Variants in ELP4 observed in about 807,000 individuals in gnomAD.
ELP4 encodes the protein elongator acetyltransferase complex subunit 4.
In ELP4, 51 loss-of-function variants were observed where a neutral mutation model predicts 48.9. The ratio of observed to expected loss-of-function variants is 1.04; its 90% CI spans 0.83 to 1.32. The LOEUF (loss-of-function observed/expected upper bound fraction) is 1.32, where lower values mean the gene tolerates loss of function less well. Ranked by LOEUF, ELP4 falls within the 40% of genes most tolerant of loss-of-function variation. The pLI, the probability that ELP4 is intolerant of heterozygous loss-of-function variation, is 0.00. For missense variants in ELP4, 519 were observed against 514.6 expected, an observed-to-expected ratio of 1.01 and a Z score of -0.08; for synonymous variants, 210 against 189.2, an observed-to-expected ratio of 1.11 and a Z score of -0.90.
chr11:31,605,117 A>T (rs1364242110), intron 5 of ELP4, among the ~76,000 whole-genome samples: 1 of 152,038 alleles, frequency 6.6e-6, no homozygotes, highest in Non-Finnish European at 1.5e-5. Context: ...TCACTGCTTC[A>T]GAAGATTTTG....
At chr11:31,714,579 A>G (rs1164067093) in intron 9 of ELP4, 10 of 398,310 alleles carry the variant, frequency 2.5e-5, no homozygotes, top group Admixed American at 8.8e-5. Flanking sequence ...AAAAATTGCT[A>G]TAATTTTAGT....
intron 3 of ELP4, among the ~76,000 whole-genome samples, chr11:31,585,435 TAA>T (rs201593283): frequency 5.0e-5 from 7 of 140,868 alleles, no homozygotes; most frequent in African/African-American, 5.2e-5. Flanking sequence ...TGGGTATTAT[TAA>T]AAAAAAAAAA....
chr11:31,767,534 C>T (rs951819744), intron 9 of ELP4: 1 of 152,104 alleles, frequency 6.6e-6, no homozygotes, highest in East Asian at 1.9e-4. Flanking sequence ...AAACTTAGCT[C>T]CTGTTAACAT....
chr11:31,709,522 GA>G (rs1303256590), intron 9 of ELP4, among the ~76,000 whole-genome samples: 1 of 152,068 alleles, frequency 6.6e-6, no homozygotes, highest in East Asian at 1.9e-4. Context: ...CTCTCCCCAA[GA>G]AAGAGTTTAT....
chr11:31,672,032 G>T (rs867562752), intron 9 of ELP4, among the ~76,000 whole-genome samples: 26 of 151,890 alleles, frequency 1.7e-4, no homozygotes, highest in Admixed American at 1.4e-3. Context: ...TGTTTTTCTG[G>T]GGGGAGCTTA....
chr11:31,780,390 G>A (rs1948345686), intron 9 of ELP4, among the ~76,000 whole-genome samples: 1 of 152,138 alleles, frequency 6.6e-6, no homozygotes, highest in Admixed American at 6.5e-5. Context: ...CACTGCTTGA[G>A]AATTTAGATT....
chr11:31,782,154 C>T (rs1293693973), intron 9 of ELP4, among the ~76,000 whole-genome samples: 2 of 152,050 alleles, frequency 1.3e-5, no homozygotes, highest in Non-Finnish European at 2.9e-5. Context: ...AATATTTTTT[C>T]ATAAATTATT....
intron 9 of ELP4, among the ~76,000 whole-genome samples, chr11:31,739,930 C>A (rs900793758): frequency 1.3e-5 from 2 of 152,208 alleles, no homozygotes; most frequent in Admixed American, 6.5e-5. Flanking sequence ...AGCATTACTG[C>A]CATCACTCCA....
intron 9 of ELP4, among the ~76,000 whole-genome samples, chr11:31,724,268 A>G (rs1385804813): frequency 6.6e-6 from 1 of 152,192 alleles, no homozygotes; most frequent in Non-Finnish European, 1.5e-5. Context: ...GTCAACCAAC[A>G]TCTTACTGCT....
intron 9 of ELP4, among the ~76,000 whole-genome samples, chr11:31,691,815 C>A (rs1352255993): frequency 6.6e-6 from 1 of 152,048 alleles, no homozygotes; most frequent in Non-Finnish European, 1.5e-5. Context: ...AATTAGATAT[C>A]CCCAGATGAC....
intron 5 of ELP4, among the ~76,000 whole-genome samples, chr11:31,615,078 G>T (rs1239922440): frequency 6.6e-6 from 1 of 151,992 alleles, no homozygotes; most frequent in African/African-American, 2.4e-5. Flanking sequence ...GTCCTTGTTT[G>T]TAGGAATCAT....
chr11:31,560,866 AC>A (rs1393525841), intron 3 of ELP4, among the ~76,000 whole-genome samples: 2 of 151,920 alleles, frequency 1.3e-5, no homozygotes, highest in Non-Finnish European at 2.9e-5. Context: ...ATATTTAGAT[AC>A]CCAAATATTC....
intron 3 of ELP4, among the ~76,000 whole-genome samples, chr11:31,563,929 T>C (rs1957062429): frequency 6.6e-6 from 1 of 152,196 alleles, no homozygotes; most frequent in Non-Finnish European, 1.5e-5. Context: ...AGGGAGGATG[T>C]TATCTGTGAT....
At chr11:31,698,405 C>A (rs905938262) in intron 9 of ELP4, among the ~76,000 whole-genome samples, 1 of 152,020 alleles carries the variant, frequency 6.6e-6, no homozygotes, top group Non-Finnish European at 1.5e-5. Context: ...AATTACATTG[C>A]GACAGCCATA....
rs548860316 is a variant in ELP4, at chr11:31,700,544, A to G, written c.1143+50323A>G. Among the ~76,000 whole-genome samples the G allele has an allele frequency of 7.2e-5, 11 of 152,220 alleles. No homozygotes were observed. In the East Asian group the frequency reaches 1.9e-3, roughly 27 times the overall value. On this transcript the variant is annotated intron_variant, in intron 9 of 9. Transcript: ENST00000640961. Reference sequence around the variant, plus strand: ...TTGAGAATAAAGGCTGTGGGTCTGTATAAGGTATCCTGGCCCAAATAAGTA... The same window carrying G: ...TTGAGAATAAAGGCTGTGGGTCTGTGTAAGGTATCCTGGCCCAAATAAGTA...
At chr11:31,598,049 G>A (rs376102418) in intron 4 of ELP4, among the ~76,000 whole-genome samples, 13 of 131,984 alleles carry the variant, frequency 9.8e-5, no homozygotes, top group Admixed American at 1.8e-4. Flanking sequence ...TCCGCCTCCC[G>A]GGTTCAAGCG....
chr11:31,701,695 A>G (rs1197125658), intron 9 of ELP4, among the ~76,000 whole-genome samples: 3 of 149,852 alleles, frequency 2.0e-5, no homozygotes, highest in Non-Finnish European at 3.0e-5. Flanking sequence ...ATGGTTTTAT[A>G]GACTAATATA....
chr11:31,728,977 A>G (rs562801068), intron 9 of ELP4, among the ~76,000 whole-genome samples: 22 of 152,324 alleles, frequency 1.4e-4, no homozygotes, highest in Non-Finnish European at 2.6e-4. Flanking sequence ...AATAGATAGA[A>G]ATTATAGAAT....
chr11:31,577,764 TCA>T (rs1957311791), intron 3 of ELP4, among the ~76,000 whole-genome samples: 1 of 152,190 alleles, frequency 6.6e-6, no homozygotes, highest in African/African-American at 2.4e-5. Flanking sequence ...CTAAAAACTC[TCA>T]ATAAACTAGG....
Sources: gnomAD v4.1 joint callset for allele counts (sites outside exome capture counted in the v4.1 genomes callset) on GRCh38, gnomAD v4.1.1 for gene constraint, MANE v1.5 for transcripts, NCBI Gene and HGNC (gene_info 2026-07-23, HGNC 2026-07-21) for gene names.